The following FHAD1 variants were observed in gnomAD, a reference collection of about 807,000 sequenced individuals.
The protein encoded by FHAD1 is forkhead-associated domain-containing protein 1.
In FHAD1, 146 loss-of-function variants were observed where a neutral mutation model predicts 191.3. The observed-to-expected ratio is 0.76, with a 90% CI of 0.67 to 0.88. The LOEUF (loss-of-function observed/expected upper bound fraction) is 0.88. Ranked by LOEUF, FHAD1 falls within the 40% of genes least tolerant of loss-of-function variation. The pLI is 0.00. For missense variants in FHAD1, 1,635 were observed against 1,785.8 expected (o/e 0.92, Z 1.52); for synonymous variants, 616 against 672.3 (o/e 0.92, Z 1.29).
In FHAD1 at chr1:15,329,126, G is replaced by C. The variant is rs1680157537; in HGVS notation, c.1711-220G>C. 1 of 415,208 alleles carries C rather than the reference G, an allele frequency of 2.4e-6. No individual in the cohort carries two copies. The allele number at this position is 415,208 out of a possible 1,614,324, so 25.7% of individuals were successfully genotyped here. Reference sequence around the variant, plus strand: ...CTGGGGTTTCATAGACCTAAAAGGGGGTTCGCTTTGACCATCAAAAGTCCA... The same window carrying C: ...CTGGGGTTTCATAGACCTAAAAGGGCGTTCGCTTTGACCATCAAAAGTCCA... On this transcript the variant is annotated intron_variant, in intron 13 of 33. Coordinates refer to ENST00000688493, the MANE Select transcript of FHAD1 (RefSeq NM_001391957.1). This position sits in a 1 kb window ranked among gnomAD's most constrained non-coding sequence, Gnocchi z 5.0.
chr1:15,321,741 A>C (rs964044949), intron 10 of FHAD1, among the ~76,000 whole-genome samples: 1 of 152,214 alleles, frequency 6.6e-6, no homozygotes, highest in African/African-American at 2.4e-5. Context: ...GAGTGTGTGT[A>C]CATTTGTGTG....
At chr1:15,399,722 G>C (rs1706989131), downstream of FHAD1, among the ~76,000 whole-genome samples, 1 of 152,132 alleles carries the variant, frequency 6.6e-6, no homozygotes, top group Non-Finnish European at 1.5e-5. Flanking sequence ...CAGTTCCAGG[G>C]CTAAAGCAGA....
intron 2 of FHAD1, among the ~76,000 whole-genome samples, chr1:15,257,611 G>A (rs983300018): frequency 3.9e-5 from 6 of 152,138 alleles, no homozygotes; most frequent in East Asian, 1.9e-4. Flanking sequence ...GTCTGATCTC[G>A]TCAGTCCTCA....
At chr1:15,370,168 G>A (rs1697670662) in intron 26 of FHAD1, among the ~76,000 whole-genome samples, 1 of 151,990 alleles carries the variant, frequency 6.6e-6, no homozygotes, top group Non-Finnish European at 1.5e-5. Context: ...GTACAGATGA[G>A]GTTTCACCAT....
intron 25 of FHAD1, among the ~76,000 whole-genome samples, chr1:15,368,903 A>G (rs1328185240): frequency 6.6e-6 from 1 of 151,960 alleles, no homozygotes; most frequent in African/African-American, 2.4e-5. Context: ...ACACCATTGC[A>G]CTCCAGCCTG....
chr1:15,281,065 T>TA (rs1660433182), intron 3 of FHAD1, among the ~76,000 whole-genome samples: 1 of 152,240 alleles, frequency 6.6e-6, no homozygotes, highest in Non-Finnish European at 1.5e-5. Context: ...ATCCTAGACA[T>TA]AATTGATCCT....
In FHAD1 at chr1:15,313,202, C is replaced by T; in HGVS notation, c.1170+15C>T. On this transcript the variant is annotated intron_variant, in intron 8 of 33. Coordinates refer to ENST00000688493, the MANE Select transcript of FHAD1 (RefSeq NM_001391957.1). ...TTGGCTCTAGAGTGAGTAAGGATGA[C>T]TGCGTCACCTTGTAGCCATCCGGTG... 1 of 1,551,368 alleles carries T rather than the reference C, an allele frequency of 6.4e-7. No homozygotes were observed. Among genetic ancestry groups the T allele is most frequent in the Non-Finnish European group, 8.7e-7 (1 of 1,146,826 alleles).
chr1:15,346,074 C>T (rs1041261400), intron 18 of FHAD1, among the ~76,000 whole-genome samples: 1 of 152,166 alleles, frequency 6.6e-6, no homozygotes, highest in East Asian at 1.9e-4. Context: ...TCTACTTCCT[C>T]TTCCACATGA....
At chr1:15,270,638 G>A (rs1285281225) in intron 2 of FHAD1, among the ~76,000 whole-genome samples, 1 of 152,142 alleles carries the variant, frequency 6.6e-6, no homozygotes, top group African/African-American at 2.4e-5. Flanking sequence ...TTGTCTACAT[G>A]CAAGTACTTT....
chr1:15,326,077 C>G (rs1043471308), intron 11 of FHAD1: 2 of 152,538 alleles, frequency 1.3e-5, no homozygotes, highest in African/African-American at 4.8e-5. Flanking sequence ...TTGAGAACCT[C>G]ATGTCACCTG....
At chr1:15,369,555 G>A (rs2102814123) in intron 26 of FHAD1, 53 bp downstream of exon 26, 2 of 1,524,252 alleles carry the variant, frequency 1.3e-6, no homozygotes, top group East Asian at 2.5e-5. Flanking sequence ...ACACAGCCCA[G>A]TGGTGGCTGT....
chr1:15,264,546 ATATGTGTGTGTGTGTGTGTG>A (rs1053865008), intron 2 of FHAD1, among the ~76,000 whole-genome samples: 12 of 126,958 alleles, frequency 9.5e-5, no homozygotes, highest in Non-Finnish European at 1.7e-4. Context: ...TTATATGTAT[ATATGTGTGTGTGTGTGTGTG>A]TGTGTGTGTG....
At chr1:15,324,749 C>T (rs1677645294) in intron 11 of FHAD1, 190 bp downstream of exon 11, 1 of 592,540 alleles carries the variant, frequency 1.7e-6, no homozygotes, top group African/African-American at 1.9e-5. Context: ...CAGGTTTCTG[C>T]TGCTGGGAGG....
intron 3 of FHAD1, among the ~76,000 whole-genome samples, chr1:15,273,518 G>C (rs2101340282): frequency 6.6e-6 from 1 of 152,186 alleles, no homozygotes. Context: ...GCTTTGAACA[G>C]CTTTATAGAA....
At chr1:15,241,087 G>A (rs6429735) in intron 1 of FHAD1, among the ~76,000 whole-genome samples, 1 of 151,980 alleles carries the variant, frequency 6.6e-6, no homozygotes, top group Non-Finnish European at 1.5e-5. Flanking sequence ...GCACAGGACC[G>A]TGCTGAGCCC....
chr1:15,381,089 C>T lies in FHAD1; in HGVS notation c.3802-142C>T. The T allele has an allele frequency of 1.5e-6, 1 of 649,568 alleles. No individual in the cohort carries two copies. Among genetic ancestry groups the T allele is most frequent in the Non-Finnish European group, 2.7e-6 (1 of 374,094 alleles). 40.2% of individuals were successfully genotyped at this position (649,568 alleles called of 1,614,324 possible). On this transcript the variant is annotated intron_variant, in intron 29 of 33. Transcript: ENST00000688493. This position sits in a 1 kb window ranked among gnomAD's most constrained non-coding sequence, Gnocchi z 4.6. ...AGAAAGGAAAGTCATGCTGAAAGCC[C>T]CAGTTGCACATCCTTTCAAAGCATG...
chr1:15,280,428 C>T (rs1271797654), intron 3 of FHAD1, among the ~76,000 whole-genome samples: 2 of 152,106 alleles, frequency 1.3e-5, no homozygotes, highest in Non-Finnish European at 2.9e-5. Context: ...CAGCAGACAG[C>T]CTCAGGCACA....
At chr1:15,357,710 G>T (rs1454648417) in intron 20 of FHAD1, 1 of 157,732 alleles carries the variant, frequency 6.3e-6, no homozygotes, top group African/African-American at 2.4e-5. Flanking sequence ...GAGCCCTGGA[G>T]GAAAGGGGGG....
downstream of FHAD1, among the ~76,000 whole-genome samples, chr1:15,399,302 C>G (rs768767286): frequency 2.0e-5 from 3 of 152,108 alleles, no homozygotes; most frequent in Non-Finnish European, 2.9e-5. Flanking sequence ...CATGGTGGCT[C>G]ACATCTGTAA....
Sources: allele counts gnomAD v4.1 joint callset (sites outside exome capture counted in the v4.1 genomes callset), GRCh38; gene constraint gnomAD v4.1.1; non-coding constraint Gnocchi (gnomAD v3.1); transcripts MANE v1.5; gene names NCBI Gene and HGNC (gene_info 2026-07-23, HGNC 2026-07-21).